The following RUNDC3B variants were observed in gnomAD, a reference collection of about 807,000 sequenced individuals.
RUNDC3B encodes the protein RUN domain containing 3B, also known as RUN domain-containing protein 3B.
Under a neutral mutation model 58.4 loss-of-function variants are expected in RUNDC3B, and 33 were observed. The observed-to-expected ratio is 0.56, with a 90% confidence interval of 0.43 to 0.75. RUNDC3B has a LOEUF of 0.75. Among genes scored for constraint, RUNDC3B ranks in the 30% least tolerant of loss-of-function variants. RUNDC3B has a pLI of 0.00. For synonymous variants in RUNDC3B, 193 were observed against 195.2 expected (o/e 0.99, Z 0.10); for missense variants, 501 against 535.7 (o/e 0.94, Z 0.64).
intron 1 of RUNDC3B, among the ~76,000 whole-genome samples, chr7:87,647,862 C>G (rs549954896): frequency 6.6e-6 from 1 of 151,986 alleles, no homozygotes; most frequent in South Asian, 2.1e-4. Flanking sequence ...AATTGGCCAA[C>G]TTGCAGAGAT....
intron 6 of RUNDC3B, among the ~76,000 whole-genome samples, 161 bp from the exon 7 acceptor site, chr7:87,770,419 AT>A (rs896724964): frequency 6.7e-6 from 1 of 148,936 alleles, no homozygotes; most frequent in African/African-American, 2.5e-5. Flanking sequence ...CTAACTTGCC[AT>A]TTTTTTTTCA....
chr7:87,660,611 T>C (rs551116488), intron 2 of RUNDC3B, among the ~76,000 whole-genome samples: 6 of 152,116 alleles, frequency 3.9e-5, no homozygotes, highest in African/African-American at 1.4e-4. Flanking sequence ...AATTTATGGC[T>C]TTGCTGATCA....
At chr7:87,708,552 G>A (rs1829803805) in intron 3 of RUNDC3B, among the ~76,000 whole-genome samples, 1 of 152,054 alleles carries the variant, frequency 6.6e-6, no homozygotes, top group South Asian at 2.1e-4. Context: ...CTTCTTATGG[G>A]TTTTTAAGAG....
intron 6 of RUNDC3B, among the ~76,000 whole-genome samples, chr7:87,760,754 C>A (rs929950873): frequency 9.2e-5 from 14 of 152,002 alleles, no homozygotes; most frequent in African/African-American, 3.4e-4. Context: ...CTAAATGATG[C>A]TGGGACAACT....
chr7:87,638,914 A>G (rs1248265270), intron 1 of RUNDC3B, among the ~76,000 whole-genome samples: 2 of 152,112 alleles, frequency 1.3e-5, no homozygotes, highest in Non-Finnish European at 2.9e-5. Flanking sequence ...GCACTTTGGG[A>G]GGCCAAGGCG....
At position 87,816,162 on chromosome 7, in the gene RUNDC3B, CCAGT is replaced by C; in HGVS notation, c.1126_1129del (p.Gln376TyrfsTer12). On this transcript the variant is annotated frameshift_variant, in exon 10 of 11. Transcript: ENST00000394654. LOFTEE classifies it high-confidence loss of function. The stretch of plus-strand genomic sequence containing the variant: ...ACAGGAAAAGTTATCAAAGTCTTGA[CCAGT>C]TATCAGCAGAAGTTAGCCTTTCTCA... The C allele has an allele frequency of 1.2e-6, 2 of 1,607,046 alleles. No homozygotes were observed. Among genetic ancestry groups the C allele is most frequent in the Non-Finnish European group, 1.7e-6 (2 of 1,174,422 alleles).
intron 10 of RUNDC3B, 99 bp downstream of exon 10, chr7:87,816,361 A>G: frequency 3.5e-6 from 3 of 857,122 alleles, no homozygotes; most frequent in Non-Finnish European, 5.3e-6. Flanking sequence ...CATCTCTGTT[A>G]ATCATGCTAG....
intron 2 of RUNDC3B, among the ~76,000 whole-genome samples, chr7:87,664,237 G>A (rs917350674): frequency 6.6e-6 from 1 of 152,000 alleles, no homozygotes; most frequent in African/African-American, 2.4e-5. Context: ...GAGGCAGGAG[G>A]GTCACTTGAG....
intron 1 of RUNDC3B, among the ~76,000 whole-genome samples, chr7:87,634,295 A>T (rs1471101785): frequency 6.6e-6 from 1 of 152,132 alleles, no homozygotes; most frequent in Non-Finnish European, 1.5e-5. Context: ...CAGACCAACC[A>T]TATACAGATT....
At chr7:87,654,245 A>T (rs1311959868) in intron 2 of RUNDC3B, among the ~76,000 whole-genome samples, 1 of 152,054 alleles carries the variant, frequency 6.6e-6, no homozygotes, top group Non-Finnish European at 1.5e-5. Context: ...CCTGAAAATT[A>T]ATATGGAACC....
chr7:87,742,006 A>C (rs1284532642), intron 6 of RUNDC3B, among the ~76,000 whole-genome samples: 2 of 152,218 alleles, frequency 1.3e-5, no homozygotes, highest in East Asian at 1.9e-4. Flanking sequence ...GGAGCTATCC[A>C]GATAAATTAT....
chr7:87,717,615 T>A (rs1235296257), intron 4 of RUNDC3B, among the ~76,000 whole-genome samples: 1 of 152,050 alleles, frequency 6.6e-6, no homozygotes, highest in Non-Finnish European at 1.5e-5. Context: ...AAATATAATT[T>A]GCCCAAATAG....
chr7:87,676,378 A>AAAC (rs145424538), intron 2 of RUNDC3B, among the ~76,000 whole-genome samples: 23 of 152,104 alleles, frequency 1.5e-4, no homozygotes, highest in South Asian at 1.0e-3. Flanking sequence ...ACTCAGTAGA[A>AAAC]AACAACAACA....
chr7:87,804,090 C>A (rs1836311331), intron 8 of RUNDC3B, among the ~76,000 whole-genome samples: 1 of 152,034 alleles, frequency 6.6e-6, no homozygotes, highest in African/African-American at 2.4e-5. Context: ...AGACTCACCA[C>A]AAAGCAATAC....
chr7:87,662,611 T>C (rs1824826151), intron 2 of RUNDC3B, among the ~76,000 whole-genome samples: 1 of 152,144 alleles, frequency 6.6e-6, no homozygotes, highest in African/African-American at 2.4e-5. Flanking sequence ...CATTGGTCTA[T>C]GTATCTCTTT....
chr7:87,775,795 G>A (rs904600017), intron 7 of RUNDC3B, among the ~76,000 whole-genome samples: 3 of 152,112 alleles, frequency 2.0e-5, no homozygotes, highest in African/African-American at 7.2e-5. Flanking sequence ...GTACAGGTTT[G>A]TAGCCTAGGA....
rs71117546 is a variant in RUNDC3B, at chr7:87,628,584, CGTGTGTGTGTGT to C, written c.-210_-199del. The C allele has an allele frequency of 0.028, 7,992 of 288,036 alleles. 9 individuals carry two copies. The highest frequency in any genetic ancestry group is 0.064 in the Middle Eastern group (68 of 1,060). The allele number at this position is 288,036 out of a possible 1,614,324, so 17.8% of individuals were successfully genotyped here. A position where few individuals can be genotyped will look rare whatever the true frequency, so the allele number is the denominator to read the frequency against. ...CGAGGGCGGAGGTGGTGCGTGCGTGCGTGTGTGTGTGTGTGTGTGTGTGTGTGTGTGTGTGTG... is the reference window on the plus strand; with the variant it reads ...CGAGGGCGGAGGTGGTGCGTGCGTGCGTGTGTGTGTGTGTGTGTGTGTGTG... On this transcript the variant is annotated 5_prime_UTR_variant, in exon 1 of 11. Coordinates refer to ENST00000394654, the MANE Select transcript of RUNDC3B (RefSeq NM_001134405.2).
intron 6 of RUNDC3B, among the ~76,000 whole-genome samples, chr7:87,752,191 A>G (rs1363604704): frequency 6.6e-6 from 1 of 152,158 alleles, no homozygotes; most frequent in Non-Finnish European, 1.5e-5. Context: ...TGATTTGTGT[A>G]TATGGAACCA....
intron 6 of RUNDC3B, among the ~76,000 whole-genome samples, chr7:87,762,952 A>G (rs1833777565): frequency 6.6e-6 from 1 of 151,254 alleles, no homozygotes; most frequent in Admixed American, 6.6e-5. Flanking sequence ...ATTTGGAATG[A>G]TATCTACTAT....
Sources: gnomAD v4.1 joint callset for allele counts (sites outside exome capture counted in the v4.1 genomes callset) on GRCh38, gnomAD v4.1.1 for gene constraint, MANE v1.5 for transcripts, NCBI Gene and HGNC (gene_info 2026-07-23, HGNC 2026-07-21) for gene names.